The following TRIM36 variants were observed in gnomAD, a reference collection of about 807,000 sequenced individuals.
TRIM36 encodes the protein tripartite motif containing 36.
TRIM36 carries 42 observed loss-of-function variants against 72.4 expected under a neutral mutation model. The observed-to-expected ratio is 0.58, with a 90% CI of 0.45 to 0.75. The LOEUF (loss-of-function observed/expected upper bound fraction) is 0.75, where lower values mean the gene tolerates loss of function less well. TRIM36 is among the 30% of genes least tolerant of loss of function. The probability of loss-of-function intolerance (pLI) is 0.00; values close to 1 mark genes in which losing one functional copy is unlikely to be tolerated. For synonymous variants in TRIM36, 315 were observed against 282.8 expected (o/e 1.11, Z -1.14); for missense variants, 913 against 857.1 (o/e 1.07, Z -0.81).
At chr5:115,141,528 G>A (rs1430409246) in intron 4 of TRIM36, among the ~76,000 whole-genome samples, 154 bp from the exon 5 acceptor site, 1 of 151,984 alleles carries the variant, frequency 6.6e-6, no homozygotes, top group African/African-American at 2.4e-5. Flanking sequence ...TTAACCCGGA[G>A]TAAACAGTTA....
intron 9 of TRIM36, among the ~76,000 whole-genome samples, chr5:115,129,400 TA>T (rs909259655): frequency 1.3e-5 from 2 of 151,670 alleles, no homozygotes; most frequent in Non-Finnish European, 2.9e-5. Context: ...CCATCTCTAC[TA>T]AAAAAAATTA....
At chr5:115,179,848 G>T in intron 1 of TRIM36, 3 of 851,636 alleles carry the variant, frequency 3.5e-6, no homozygotes, top group Non-Finnish European at 5.6e-6. Flanking sequence ...GGCTGCGAGC[G>T]CGGCTCCTGG....
Position 115,130,589 on chromosome 5 carries a change from T to C in TRIM36, c.1796+3A>G. The C allele has an allele frequency of 3.1e-6, 5 of 1,609,744 alleles. No homozygotes were observed. The highest frequency in any genetic ancestry group is 4.2e-6 in the Non-Finnish European group (5 of 1,178,096). On this transcript the variant is annotated splice_donor_region_variant and intron_variant, in intron 9 of 9. Transcript: ENST00000513154. ...CAAGTTCTAGATCAATACAAAAACCTACCTTGGACTAACTGCATCCCGGGG... is the reference window on the plus strand; with the variant it reads ...CAAGTTCTAGATCAATACAAAAACCCACCTTGGACTAACTGCATCCCGGGG...
At chr5:115,134,772 C>T (rs1461506259) in intron 7 of TRIM36, among the ~76,000 whole-genome samples, 1 of 152,162 alleles carries the variant, frequency 6.6e-6, no homozygotes, top group Non-Finnish European at 1.5e-5. Flanking sequence ...GATCTCCTGA[C>T]CTCATGATCT....
intron 2 of TRIM36, among the ~76,000 whole-genome samples, chr5:115,148,036 G>C (rs1753686262): frequency 6.6e-6 from 1 of 152,136 alleles, no homozygotes; most frequent in South Asian, 2.1e-4. Flanking sequence ...GTTTTATCTG[G>C]AAAAATTCAG....
chr5:115,171,873 C>G (rs150744340), upstream of TRIM36, among the ~76,000 whole-genome samples: 1 of 152,270 alleles, frequency 6.6e-6, no homozygotes, highest in East Asian at 1.9e-4. Flanking sequence ...CATTATCACC[C>G]CAGCACAGGT....
At chr5:115,174,462 A>G (rs944182187), upstream of TRIM36, among the ~76,000 whole-genome samples, 2 of 152,216 alleles carry the variant, frequency 1.3e-5, no homozygotes, top group Admixed American at 6.5e-5. Flanking sequence ...ACTGCTGGGT[A>G]TCAGGAGGTT....
Position 115,163,623 on chromosome 5 carries a change from CGA to C in TRIM36, c.155_156del (p.Leu52ArgfsTer2). The C allele has an allele frequency of 6.2e-7, 1 of 1,614,068 alleles. No homozygotes were observed. The highest frequency in any genetic ancestry group is 1.1e-5 in the South Asian group (1 of 91,074). On this transcript the variant is annotated frameshift_variant, in exon 2 of 10. Coordinates refer to ENST00000513154, the MANE Select transcript of TRIM36 (RefSeq NM_001300759.2). LOFTEE classifies it high-confidence loss of function. ...GATCCCACATCGTTGAATGAATCAT[CGA>C]GAGTCAGCAGGAGTTCTTTTACACA... ...HKCVKELLLT[L>X]DDSFNDVGSD... is the part of the protein sequence containing the mutation.
intron 2 of TRIM36, among the ~76,000 whole-genome samples, chr5:115,162,448 C>T (rs1754533942): frequency 1.3e-5 from 2 of 152,188 alleles, no homozygotes; most frequent in African/African-American, 4.8e-5. Context: ...CTACAGAGTA[C>T]CATGTCAGGT....
At chr5:115,159,883 A>T (rs1375020821) in intron 2 of TRIM36, among the ~76,000 whole-genome samples, 2 of 152,222 alleles carry the variant, frequency 1.3e-5, no homozygotes, top group Non-Finnish European at 2.9e-5. Flanking sequence ...CATTGTGGGT[A>T]TAGCACTTAA....
intron 2 of TRIM36, among the ~76,000 whole-genome samples, chr5:115,156,013 A>G (rs1446733017): frequency 6.6e-6 from 1 of 152,188 alleles, no homozygotes; most frequent in Admixed American, 6.5e-5. Context: ...ACCAACAGCG[A>G]CCAAGCTGAG....
upstream of TRIM36, among the ~76,000 whole-genome samples, chr5:115,172,643 G>A (rs1279774967): frequency 6.6e-6 from 1 of 152,076 alleles, no homozygotes; most frequent in Non-Finnish European, 1.5e-5. Flanking sequence ...GGCTGAGGCA[G>A]GAGAATCACT....
At chr5:115,128,964 T>A (rs1752510937) in intron 9 of TRIM36, among the ~76,000 whole-genome samples, 1 of 151,998 alleles carries the variant, frequency 6.6e-6, no homozygotes, top group South Asian at 2.1e-4. Context: ...CAAGCTCCAT[T>A]CATGGTAAGT....
At chr5:115,155,649 T>G (rs1282735872) in intron 2 of TRIM36, among the ~76,000 whole-genome samples, 2 of 152,168 alleles carry the variant, frequency 1.3e-5, no homozygotes, top group Admixed American at 1.3e-4. Flanking sequence ...AAAATCAGCA[T>G]ACAAGGAACA....
chr5:115,150,664 A>AG (rs1753840915), intron 2 of TRIM36, among the ~76,000 whole-genome samples: 1 of 152,362 alleles, frequency 6.6e-6, no homozygotes, highest in South Asian at 2.1e-4. Flanking sequence ...GGCCCCCTGA[A>AG]GGAAGCAGAC....
In TRIM36 at chr5:115,169,705, G is replaced by C; in HGVS notation, c.-71C>G. ...CGGCTACCGAGCGCAGGGTCTGGTG[G>C]GCGGGTCCCTGCGGCGGCCGTGGAG... On this transcript the variant is annotated 5_prime_UTR_variant, in exon 1 of 10. Transcript: ENST00000513154. 2 of 1,497,392 alleles carry C rather than the reference G, an allele frequency of 1.3e-6. No homozygotes were observed. 92.8% of individuals were successfully genotyped at this position (1,497,392 alleles called of 1,614,324 possible).
intron 9 of TRIM36, among the ~76,000 whole-genome samples, chr5:115,129,353 G>A (rs755406852): frequency 3.9e-5 from 6 of 152,064 alleles, no homozygotes; most frequent in East Asian, 1.9e-4. Flanking sequence ...ACCTGAGGTC[G>A]GGAATTCGAG....
At chr5:115,179,627 C>T (rs1412570969) in intron 1 of TRIM36, among the ~76,000 whole-genome samples, 1 of 152,210 alleles carries the variant, frequency 6.6e-6, no homozygotes, top group Non-Finnish European at 1.5e-5. Context: ...TTTGAGTAGC[C>T]CTGGTTGGTG....
At chr5:115,147,627 A>C (rs1465505167) in intron 2 of TRIM36, among the ~76,000 whole-genome samples, 2 of 152,262 alleles carry the variant, frequency 1.3e-5, no homozygotes, top group Non-Finnish European at 2.9e-5. Flanking sequence ...AAAATATTCT[A>C]CAGTAAACCC....
Sources: gnomAD v4.1 joint callset for allele counts (sites outside exome capture counted in the v4.1 genomes callset) on GRCh38, gnomAD v4.1.1 for gene constraint, MANE v1.5 for transcripts, NCBI Gene and HGNC (gene_info 2026-07-23, HGNC 2026-07-21) for gene names.